Variants in NOS1AP observed in about 807,000 individuals in gnomAD.
NOS1AP encodes carboxyl-terminal PDZ ligand of neuronal nitric oxide synthase protein.
A neutral mutation model predicts 56.2 loss-of-function variants in NOS1AP; 21 were observed. The ratio of observed to expected loss-of-function variants is 0.37; its 90% CI spans 0.26 to 0.54. The LOEUF is 0.54. Among genes scored for constraint, NOS1AP ranks in the 20% least tolerant of loss-of-function variants. NOS1AP has a pLI of 0.84. For missense variants in NOS1AP, 522 were observed against 657.8 expected (o/e 0.79, Z 2.26); for synonymous variants, 270 against 274.6 (o/e 0.98, Z 0.17).
intron 1 of NOS1AP, among the ~76,000 whole-genome samples, chr1:162,106,877 T>C (rs1023058401): frequency 1.3e-5 from 2 of 152,228 alleles, no homozygotes; most frequent in Non-Finnish European, 2.9e-5. Flanking sequence ...AATCTGAAGA[T>C]TGCTAGACAA....
chr1:162,095,539 G>GA (rs1692220733), intron 1 of NOS1AP, among the ~76,000 whole-genome samples: 1 of 152,190 alleles, frequency 6.6e-6, no homozygotes, highest in African/African-American at 2.4e-5. Context: ...ATGAAGTTGG[G>GA]AGACAAGGAA....
chr1:162,233,203 A>G (rs1262011094), intron 2 of NOS1AP, among the ~76,000 whole-genome samples: 2 of 152,188 alleles, frequency 1.3e-5, no homozygotes, highest in African/African-American at 4.8e-5. Context: ...CAGGGATTAC[A>G]CTTTGAGAAG....
At chr1:162,234,874 C>T (rs1653234816) in intron 2 of NOS1AP, among the ~76,000 whole-genome samples, 2 of 152,146 alleles carry the variant, frequency 1.3e-5, no homozygotes, top group African/African-American at 2.4e-5. Flanking sequence ...GAGGCTGTTG[C>T]TTCTGGAGTT....
intron 2 of NOS1AP, among the ~76,000 whole-genome samples, chr1:162,250,548 A>G (rs184852675): frequency 4.4e-5 from 1 of 22,526 alleles, no homozygotes; most frequent in Admixed American, 7.1e-4. Context: ...TCCTCCTCAG[A>G]GGAGTGGGAA....
chr1:162,238,200 G>A (rs187912338), intron 2 of NOS1AP, among the ~76,000 whole-genome samples: 3 of 152,102 alleles, frequency 2.0e-5, no homozygotes, highest in African/African-American at 7.2e-5. Context: ...GGCAGGGTTG[G>A]GGGAGAAGGA....
chr1:162,359,621 A>G (rs1027186932), intron 8 of NOS1AP, among the ~76,000 whole-genome samples: 2 of 152,164 alleles, frequency 1.3e-5, no homozygotes, highest in Non-Finnish European at 2.9e-5. Flanking sequence ...TTGGGTAAAA[A>G]CAATTACGTA....
intron 2 of NOS1AP, among the ~76,000 whole-genome samples, chr1:162,270,673 A>C (rs1297638431): frequency 6.6e-6 from 1 of 152,242 alleles, no homozygotes; most frequent in African/African-American, 2.4e-5. Context: ...TCTCTTCAGG[A>C]TAGACAGTGA....
intron 1 of NOS1AP, among the ~76,000 whole-genome samples, chr1:162,128,894 C>T (rs1008521642): frequency 6.6e-6 from 1 of 152,152 alleles, no homozygotes; most frequent in Non-Finnish European, 1.5e-5. Context: ...CCCTGTTAGC[C>T]GTTTAGCTTA....
intron 6 of NOS1AP, among the ~76,000 whole-genome samples, chr1:162,354,196 C>T (rs1292943120): frequency 1.3e-5 from 2 of 152,264 alleles, no homozygotes; most frequent in Non-Finnish European, 2.9e-5. Context: ...GGGGCATCAG[C>T]TCTGTGTCTC....
chr1:162,081,230 A>T (rs1470915697), intron 1 of NOS1AP, among the ~76,000 whole-genome samples: 1 of 152,130 alleles, frequency 6.6e-6, no homozygotes, highest in Non-Finnish European at 1.5e-5. Context: ...GTTGGATTGA[A>T]TAGGCAAATG....
chr1:162,313,813 G>A (rs1313149427), intron 4 of NOS1AP, among the ~76,000 whole-genome samples: 1 of 152,194 alleles, frequency 6.6e-6, no homozygotes, highest in African/African-American at 2.4e-5. Context: ...AGTGATCTCA[G>A]GTTGAAGCTT....
At chr1:162,320,906 G>A (rs903502558) in intron 4 of NOS1AP, among the ~76,000 whole-genome samples, 15 of 151,924 alleles carry the variant, frequency 9.9e-5, no homozygotes, top group African/African-American at 3.6e-4. Context: ...AAATCAAAAC[G>A]AGGTCAAATA....
chr1:162,082,066 T>A (rs1343629158), intron 1 of NOS1AP, among the ~76,000 whole-genome samples: 2 of 152,086 alleles, frequency 1.3e-5, no homozygotes, highest in East Asian at 1.9e-4. Context: ...TTCGTTCTTT[T>A]TCCTGATCCT....
intron 2 of NOS1AP, among the ~76,000 whole-genome samples, chr1:162,216,392 T>G (rs1400160731): frequency 6.6e-6 from 1 of 152,228 alleles, no homozygotes; most frequent in African/African-American, 2.4e-5. Flanking sequence ...GTGCTACTGT[T>G]GTGGGGACAT....
intron 4 of NOS1AP, among the ~76,000 whole-genome samples, chr1:162,321,838 C>T (rs763593056): frequency 4.0e-5 from 6 of 151,114 alleles, no homozygotes; most frequent in South Asian, 2.1e-4. Context: ...TTCCTACTTA[C>T]GAATGGGAGC....
At chr1:162,351,768 T>G (rs1030343141) in intron 6 of NOS1AP, among the ~76,000 whole-genome samples, 1 of 152,198 alleles carries the variant, frequency 6.6e-6, no homozygotes, top group Non-Finnish European at 1.5e-5. Flanking sequence ...CTCCTTTCCT[T>G]GGTAGCCAGG....
At chr1:162,357,300 A>T in intron 8 of NOS1AP, 164 bp downstream of exon 8, 3 of 1,263,210 alleles carry the variant, frequency 2.4e-6, no homozygotes, top group Non-Finnish European at 3.3e-6. Flanking sequence ...CGGGAGGGGG[A>T]TAGATGGGGG....
intron 2 of NOS1AP, among the ~76,000 whole-genome samples, chr1:162,228,250 G>A (rs1366391671): frequency 6.6e-6 from 1 of 152,182 alleles, no homozygotes; most frequent in African/African-American, 2.4e-5. Flanking sequence ...GATTTTGTCA[G>A]ACTAGTTTGT....
intron 4 of NOS1AP, among the ~76,000 whole-genome samples, chr1:162,325,058 T>C (rs1173709033): frequency 1.3e-5 from 2 of 152,218 alleles, no homozygotes; most frequent in African/African-American, 4.8e-5. Context: ...TTTATTACCC[T>C]TCTTTTTTGC....
Sources: allele counts gnomAD v4.1 joint callset (sites outside exome capture counted in the v4.1 genomes callset), GRCh38; gene constraint gnomAD v4.1.1; transcripts MANE v1.5; gene names NCBI Gene and HGNC (gene_info 2026-07-23, HGNC 2026-07-21).